The following PALM2AKAP2 variants were observed in gnomAD, a reference collection of about 807,000 sequenced individuals.
PALM2AKAP2 encodes the protein PALM2 and AKAP2 fusion.
Under a neutral mutation model 71.5 loss-of-function variants are expected in PALM2AKAP2, and 37 were observed. The ratio of observed to expected loss-of-function variants is 0.52; its 90% CI spans 0.40 to 0.68. The LOEUF is 0.68. Among genes scored for constraint, PALM2AKAP2 ranks in the 30% least tolerant of loss-of-function variants. The pLI is 0.00. For synonymous variants in PALM2AKAP2, 468 were observed against 478.8 expected, an observed-to-expected ratio of 0.98 and a Z score of 0.29; for missense variants, 1,224 against 1,191.8, an observed-to-expected ratio of 1.03 and a Z score of -0.40.
chr9:110,009,656 G>A (rs1268487833), intron 6 of PALM2AKAP2, among the ~76,000 whole-genome samples: 1 of 150,318 alleles, frequency 6.7e-6, no homozygotes, highest in Non-Finnish European at 1.5e-5. Flanking sequence ...GGAGCTTGCA[G>A]TGAGCTGAGA....
At chr9:109,755,313 C>T (rs777138020) in intron 1 of PALM2AKAP2, among the ~76,000 whole-genome samples, 9 of 152,098 alleles carry the variant, frequency 5.9e-5, no homozygotes, top group Non-Finnish European at 1.2e-4. Context: ...CCTCTTTCCT[C>T]ACCTCCCACC....
intron 1 of PALM2AKAP2, among the ~76,000 whole-genome samples, chr9:109,852,964 C>A (rs971070313): frequency 6.6e-6 from 1 of 152,228 alleles, no homozygotes; most frequent in Admixed American, 6.5e-5. Context: ...TATTTTCTCC[C>A]ATTCTGTAGG....
intron 1 of PALM2AKAP2, among the ~76,000 whole-genome samples, chr9:109,748,287 T>C (rs1041870262): frequency 9.9e-5 from 15 of 152,172 alleles, no homozygotes; most frequent in African/African-American, 3.6e-4. Context: ...CTTGGTGAAT[T>C]GGGCTGCCCT....
intron 6 of PALM2AKAP2, among the ~76,000 whole-genome samples, chr9:109,937,898 C>A (rs2132024666): frequency 6.6e-6 from 1 of 152,260 alleles, no homozygotes; most frequent in South Asian, 2.1e-4. Context: ...ATAAGATGAA[C>A]AAAGGCAGCA....
At chr9:109,723,279 T>G (rs546967045) in intron 1 of PALM2AKAP2, among the ~76,000 whole-genome samples, 68 of 152,238 alleles carry the variant, frequency 4.5e-4, no homozygotes, top group African/African-American at 1.6e-3. Context: ...CTGGCTCCTA[T>G]AAGTCTAATT....
intron 7 of PALM2AKAP2, among the ~76,000 whole-genome samples, chr9:110,018,725 G>C (rs74680814): frequency 6.6e-6 from 1 of 152,144 alleles, no homozygotes; most frequent in African/African-American, 2.4e-5. Context: ...TAAGGAATTT[G>C]TGAATTTTCT....
intron 1 of PALM2AKAP2, among the ~76,000 whole-genome samples, chr9:109,678,276 G>T (rs1207299177): frequency 6.6e-6 from 1 of 152,186 alleles, no homozygotes; most frequent in Non-Finnish European, 1.5e-5. Context: ...AGAATGAAGT[G>T]TCAGCAAGGG....
chr9:109,789,587 G>C (rs913359), intron 1 of PALM2AKAP2, among the ~76,000 whole-genome samples: 1 of 152,098 alleles, frequency 6.6e-6, no homozygotes, highest in Non-Finnish European at 1.5e-5. Flanking sequence ...CGGATCTCTT[G>C]TATATCTTAA....
intron 3 of PALM2AKAP2, among the ~76,000 whole-genome samples, chr9:109,900,183 G>GC (rs1261487889): frequency 2.6e-5 from 4 of 152,206 alleles, no homozygotes; most frequent in Non-Finnish European, 4.4e-5. Context: ...TGATTGGCAT[G>GC]CAATCATGAC....
At chr9:109,685,547 C>A (rs1182366889) in intron 1 of PALM2AKAP2, among the ~76,000 whole-genome samples, 1 of 152,008 alleles carries the variant, frequency 6.6e-6, no homozygotes, top group Non-Finnish European at 1.5e-5. Context: ...ACTCTAAAGA[C>A]TATAGTCTTT....
chr9:109,947,341 A>G (rs550852114), intron 6 of PALM2AKAP2, among the ~76,000 whole-genome samples: 1 of 152,346 alleles, frequency 6.6e-6, no homozygotes, highest in South Asian at 2.1e-4. Context: ...GGGAAGTATA[A>G]GAGAGAGTTT....
At chr9:110,103,875 G>T (rs1024834644) in intron 1 of PALM2AKAP2, among the ~76,000 whole-genome samples, 2 of 152,208 alleles carry the variant, frequency 1.3e-5, no homozygotes, top group African/African-American at 4.8e-5. Context: ...GTTGGCAAAA[G>T]ATCCTTCATA....
At chr9:109,753,659 A>G (rs908122103) in intron 1 of PALM2AKAP2, among the ~76,000 whole-genome samples, 1 of 152,142 alleles carries the variant, frequency 6.6e-6, no homozygotes, top group African/African-American at 2.4e-5. Context: ...TTTTCCATAT[A>G]TCATGGGGAA....
chr9:109,751,141 A>C (rs1009866488), intron 1 of PALM2AKAP2, among the ~76,000 whole-genome samples: 1 of 152,186 alleles, frequency 6.6e-6, no homozygotes, highest in Admixed American at 6.6e-5. Flanking sequence ...ATTTTCATTC[A>C]GTATTCCACT....
intron 1 of PALM2AKAP2, among the ~76,000 whole-genome samples, chr9:110,085,081 T>G (rs188988754): frequency 6.6e-6 from 1 of 152,070 alleles, no homozygotes; most frequent in Admixed American, 6.6e-5. Flanking sequence ...TCCATCGTGG[T>G]TGGTTGAGTC....
At chr9:109,826,009 A>G (rs966625053) in intron 1 of PALM2AKAP2, among the ~76,000 whole-genome samples, 2 of 152,230 alleles carry the variant, frequency 1.3e-5, no homozygotes, top group Non-Finnish European at 2.9e-5. Context: ...TGTGGCACAT[A>G]TGCACAATGG....
intron 7 of PALM2AKAP2, among the ~76,000 whole-genome samples, chr9:110,018,502 C>T (rs540895284): frequency 3.3e-5 from 5 of 151,832 alleles, no homozygotes; most frequent in African/African-American, 7.2e-5. Flanking sequence ...GGCTAATTTT[C>T]GTATTTTTAG....
chr9:110,063,193 G>A (rs1004716620), intron 1 of PALM2AKAP2, among the ~76,000 whole-genome samples: 18 of 150,198 alleles, frequency 1.2e-4, no homozygotes, highest in Non-Finnish European at 2.2e-4. Flanking sequence ...CTGGAGAAAG[G>A]CATACATCTG....
chr9:109,847,978 T>A (rs1480181807), intron 1 of PALM2AKAP2, among the ~76,000 whole-genome samples: 2 of 152,172 alleles, frequency 1.3e-5, no homozygotes, highest in Non-Finnish European at 2.9e-5. Context: ...TAGAATACAC[T>A]CCTCTCATCC....
Sources: allele counts gnomAD v4.1 joint callset (sites outside exome capture counted in the v4.1 genomes callset), GRCh38; gene constraint gnomAD v4.1.1; transcripts MANE v1.5; gene names NCBI Gene and HGNC (gene_info 2026-07-23, HGNC 2026-07-21).